Variants in KLF8 observed in about 807,000 individuals in gnomAD.
KLF8 encodes the protein Krueppel-like factor 8.
In KLF8, 10 loss-of-function variants were observed where a neutral mutation model predicts 18.2. That is an observed-to-expected ratio of 0.55 (90% CI 0.34 to 0.93). KLF8 has a LOEUF of 0.93. Ranked by LOEUF, KLF8 falls within the 40% of genes least tolerant of loss-of-function variation. The pLI, the probability that KLF8 is intolerant of heterozygous loss-of-function variation, is 0.02. For missense variants in KLF8, 264 were observed against 277.9 expected (o/e 0.95, Z 0.36); for synonymous variants, 109 against 97.3 (o/e 1.12, Z -0.71).
the KLF8 span, among the ~76,000 whole-genome samples, chrX:55,968,826 T>C: frequency 8.9e-6 from 1 of 111,985 alleles, no homozygotes; most frequent in East Asian, 2.8e-4. Context: ...CTCAGATACA[T>C]CTTTATTAGG....
At chrX:56,200,368 ATAAC>A in the KLF8 span, among the ~76,000 whole-genome samples, 1 of 109,649 alleles carries the variant, frequency 9.1e-6, no homozygotes, top group Non-Finnish European at 1.9e-5. Flanking sequence ...ATATAAAAAT[ATAAC>A]TAAGTATTTT....
chrX:56,142,166 G>A, the KLF8 span, among the ~76,000 whole-genome samples: 9 of 110,748 alleles, frequency 8.1e-5, no homozygotes, highest in East Asian at 2.9e-4. Flanking sequence ...CTATCTTTTC[G>A]TTTGTTATTT....
At chrX:56,170,046 G>A in the KLF8 span, among the ~76,000 whole-genome samples, 1 of 110,743 alleles carries the variant, frequency 9.0e-6, no homozygotes, top group Non-Finnish European at 1.9e-5. Context: ...GTCTCTGCCT[G>A]GTAATCAATA....
intron 1 of KLF8, among the ~76,000 whole-genome samples, chrX:56,244,345 G>C (rs979208440): frequency 9.0e-6 from 1 of 111,336 alleles, no homozygotes; most frequent in African/African-American, 3.3e-5. Flanking sequence ...ACAACAACAT[G>C]CCTGGCTAAT....
the KLF8 span, among the ~76,000 whole-genome samples, chrX:56,191,814 G>T: frequency 3.6e-5 from 4 of 111,056 alleles, no homozygotes; most frequent in African/African-American, 9.8e-5. Flanking sequence ...ACTGGGTATT[G>T]ATAGAATATA....
intron 1 of KLF8, among the ~76,000 whole-genome samples, chrX:56,249,593 GA>G (rs903724460): frequency 2.7e-5 from 3 of 110,750 alleles, no homozygotes; most frequent in African/African-American, 9.8e-5. Flanking sequence ...TGTGGCTTAG[GA>G]AAAAAAAGGC....
the KLF8 span, among the ~76,000 whole-genome samples, chrX:56,135,365 G>A: frequency 9.0e-6 from 1 of 111,321 alleles, no homozygotes; most frequent in Non-Finnish European, 1.9e-5. Flanking sequence ...GGAATACTAT[G>A]CAGCCATAAA....
chrX:56,037,803 A>G, the KLF8 span, among the ~76,000 whole-genome samples: 65 of 112,008 alleles, frequency 5.8e-4, no homozygotes, highest in Non-Finnish European at 1.1e-3. Flanking sequence ...GCATTTATCC[A>G]TTGTGATACA....
chrX:56,080,969 G>A, the KLF8 span, among the ~76,000 whole-genome samples: 3 of 110,372 alleles, frequency 2.7e-5, no homozygotes, highest in African/African-American at 6.6e-5. Context: ...CATTCTTCAC[G>A]TAGTTCTCGA....
chrX:56,170,897 C>T, the KLF8 span, among the ~76,000 whole-genome samples: 1 of 111,578 alleles, frequency 9.0e-6, no homozygotes, highest in East Asian at 2.8e-4. Flanking sequence ...CGGAAACTCT[C>T]AAAGGTCAGA....
intron 2 of KLF8, among the ~76,000 whole-genome samples, chrX:56,256,604 T>C (rs1002525890): frequency 5.3e-5 from 6 of 112,205 alleles, no homozygotes; most frequent in African/African-American, 1.9e-4. Flanking sequence ...GGTTTTGATA[T>C]GTTGTTTTCC....
upstream of KLF8, among the ~76,000 whole-genome samples, chrX:56,231,173 T>A (rs373336302): frequency 5.5e-4 from 61 of 111,455 alleles, no homozygotes; most frequent in South Asian, 0.021. Context: ...GGTTAAAGGA[T>A]GAGTTCCAGG....
chrX:55,966,958 A>G, the KLF8 span, among the ~76,000 whole-genome samples: 8 of 112,323 alleles, frequency 7.1e-5, no homozygotes, highest in African/African-American at 2.6e-4. Context: ...AAAAAATTAG[A>G]GTTCAAAAAT....
the KLF8 span, among the ~76,000 whole-genome samples, chrX:56,068,285 C>A: frequency 1.8e-5 from 2 of 110,290 alleles, no homozygotes; most frequent in Non-Finnish European, 3.8e-5. Flanking sequence ...ACCTGCCCTG[C>A]CACTGGAAGC....
At chrX:55,930,394 G>A in the KLF8 span, among the ~76,000 whole-genome samples, 1 of 111,404 alleles carries the variant, frequency 9.0e-6, no homozygotes, top group Non-Finnish European at 1.9e-5. Context: ...TTACCTGATT[G>A]CCCTGGCCAG....
chrX:56,130,034 G>A, the KLF8 span, among the ~76,000 whole-genome samples: 1 of 109,940 alleles, frequency 9.1e-6, no homozygotes, highest in Admixed American at 9.7e-5. Context: ...CAGGCCCAAG[G>A]AGAGTCTGAG....
chrX:56,142,453 T>C, the KLF8 span, among the ~76,000 whole-genome samples: 1 of 111,581 alleles, frequency 9.0e-6, no homozygotes, highest in Non-Finnish European at 1.9e-5. Context: ...TTTGGAGTGA[T>C]ACAAGGATCA....
At chrX:56,097,683 A>G in the KLF8 span, among the ~76,000 whole-genome samples, 3 of 62,584 alleles carry the variant, frequency 4.8e-5, no homozygotes, top group Admixed American at 5.1e-4. Flanking sequence ...CCACCCCACA[A>G]CAGTCCCCAG....
chrX:56,037,376 T>A, the KLF8 span, among the ~76,000 whole-genome samples: 1 of 111,885 alleles, frequency 8.9e-6, no homozygotes, highest in Non-Finnish European at 1.9e-5. Context: ...TGTTTTTTTT[T>A]ATTGTTGTGT....
Sources: gnomAD v4.1 joint callset for allele counts (sites outside exome capture counted in the v4.1 genomes callset) on GRCh38, gnomAD v4.1.1 for gene constraint, MANE v1.5 for transcripts, NCBI Gene and HGNC (gene_info 2026-07-23, HGNC 2026-07-21) for gene names.